ARHGAP28: variants seen among roughly 807,000 people sequenced by gnomAD.
The protein encoded by ARHGAP28 is rho GTPase-activating protein 28.
In ARHGAP28, 56 loss-of-function variants were observed where a neutral mutation model predicts 90.7. The observed-to-expected ratio is 0.62, with a 90% CI of 0.50 to 0.77. ARHGAP28 has a LOEUF of 0.77. Among genes scored for constraint, ARHGAP28 ranks in the 30% least tolerant of loss-of-function variants. The pLI, the probability that ARHGAP28 is intolerant of heterozygous loss-of-function variation, is 0.00. For synonymous variants in ARHGAP28, 308 were observed against 323.3 expected (o/e 0.95, Z 0.51); for missense variants, 869 against 900.9 (o/e 0.96, Z 0.45).
chr18:6,828,380 C>A (rs8088691), intron 2 of ARHGAP28, among the ~76,000 whole-genome samples: 94,013 of 151,850 alleles, frequency 0.62, 30,718 homozygotes, highest in South Asian at 0.74. Flanking sequence ...GAGGGAGAGA[C>A]AGAGGAGGAG....
chr18:6,760,833 G>T (rs754621148), intron 1 of ARHGAP28, among the ~76,000 whole-genome samples: 4 of 152,116 alleles, frequency 2.6e-5, no homozygotes, highest in Non-Finnish European at 4.4e-5. Flanking sequence ...TTCAAGAGGA[G>T]GAAACACAAA....
At chr18:6,910,145 T>C (rs1310563982) in intron 17 of ARHGAP28, among the ~76,000 whole-genome samples, 2 of 152,098 alleles carry the variant, frequency 1.3e-5, no homozygotes, top group South Asian at 4.1e-4. Flanking sequence ...ACTCGTCTGT[T>C]TTTAGAACTG....
chr18:6,873,337 G>A, intron 7 of ARHGAP28, 72 bp from the exon 8 acceptor site: 1 of 1,299,674 alleles, frequency 7.7e-7, no homozygotes, highest in Non-Finnish European at 1.1e-6. Flanking sequence ...AGAGTGTCCA[G>A]GTGGCATTTG....
At chr18:6,843,990 T>G (rs575117917) in intron 3 of ARHGAP28, among the ~76,000 whole-genome samples, 1 of 152,318 alleles carries the variant, frequency 6.6e-6, no homozygotes, top group African/African-American at 2.4e-5. Context: ...CTGTTCAGCG[T>G]GAGCAGAATT....
At chr18:6,859,993 A>G (rs987969155) in intron 5 of ARHGAP28, 96 bp downstream of exon 5, 2 of 1,052,834 alleles carry the variant, frequency 1.9e-6, no homozygotes, top group Non-Finnish European at 2.8e-6. Flanking sequence ...TCTTTAAAAC[A>G]TTAAAAAATA....
chr18:6,880,571 C>G (rs2057169759), intron 10 of ARHGAP28, among the ~76,000 whole-genome samples: 3 of 152,222 alleles, frequency 2.0e-5, no homozygotes, highest in South Asian at 4.1e-4. Flanking sequence ...CCCCTTAGCA[C>G]TGGCGCTCGC....
At chr18:6,821,669 A>G (rs1455613722) in intron 1 of ARHGAP28, among the ~76,000 whole-genome samples, 1 of 152,192 alleles carries the variant, frequency 6.6e-6, no homozygotes, top group Non-Finnish European at 1.5e-5. Context: ...TCTTTGCCAA[A>G]AAAAAGCTGA....
In ARHGAP28 at chr18:6,894,848, A is replaced by G. The variant is rs2057293376; in HGVS notation, c.1862A>G (p.Lys621Arg). The G allele has an allele frequency of 6.2e-7, 1 of 1,614,006 alleles. No individual in the cohort carries two copies. The highest frequency in any genetic ancestry group is 8.5e-7 in the Non-Finnish European group (1 of 1,180,006). ...TGTTTCTTTTAGACTGCAAGCCCCAAGACTTCAAAGGTACTGCAAAAATCA... is the reference window on the plus strand; with the variant it reads ...TGTTTCTTTTAGACTGCAAGCCCCAGGACTTCAAAGGTACTGCAAAAATCA... ...KTLERETASP[K>R]TSKVLQKSPS... Residue 621 changes from lysine (K) to arginine (R), a missense_variant, in exon 15 of 18, where the codon AAG (lysine) becomes AGG (arginine). Coordinates refer to ENST00000383472, the MANE Select transcript of ARHGAP28 (RefSeq NM_001366230.1).
intron 1 of ARHGAP28, chr18:6,778,886 T>A (rs775974575): frequency 6.6e-6 from 1 of 152,220 alleles, no homozygotes; most frequent in Non-Finnish European, 1.5e-5. Context: ...TCACAGCAGT[T>A]CATTCTATTG....
intron 1 of ARHGAP28, among the ~76,000 whole-genome samples, chr18:6,734,301 T>C (rs1246030177): frequency 1.3e-5 from 2 of 152,164 alleles, no homozygotes; most frequent in Non-Finnish European, 2.9e-5. Flanking sequence ...AAGGGTTTCC[T>C]GAGTATATAC....
intron 1 of ARHGAP28, among the ~76,000 whole-genome samples, chr18:6,766,987 A>C (rs894135611): frequency 6.6e-6 from 1 of 152,128 alleles, no homozygotes; most frequent in Non-Finnish European, 1.5e-5. Context: ...GGTTTGGTCT[A>C]CTATCTTGCT....
rs116740071 is a variant in ARHGAP28, at chr18:6,845,880, A to G, written c.544-5154A>G. Among the ~76,000 whole-genome samples, 404 of 152,370 alleles carry G rather than the reference A, an allele frequency of 2.7e-3. 5 individuals are homozygous for G. The highest frequency in any genetic ancestry group is 9.1e-3 in the African/African-American group (378 of 41,584). On this transcript the variant is annotated intron_variant, in intron 3 of 17. Transcript: ENST00000383472. The stretch of plus-strand genomic sequence containing the variant: ...ATAAGTGGGAAAAAGTACACTATCT[A>G]GCACAGGAAGTGAACACATTACATC...
chr18:6,782,890 T>A (rs541157924), intron 1 of ARHGAP28, among the ~76,000 whole-genome samples: 14 of 152,252 alleles, frequency 9.2e-5, no homozygotes, highest in African/African-American at 3.4e-4. Context: ...TCTTTCTTAT[T>A]TTCTTTGGGT....
Position 6,885,406 on chromosome 18 carries a change from A to G in ARHGAP28, c.1454-1751A>G, listed in dbSNP as rs143120701. ...TGTGTGTGTTTAAGCTGTCCCTCTC[A>G]ATACCCTCAAATGGAGCTCAGAGAA... On this transcript the variant is annotated intron_variant, in intron 11 of 17. Coordinates refer to ENST00000383472, the MANE Select transcript of ARHGAP28 (RefSeq NM_001366230.1). 1.3e-3 allele frequency among the ~76,000 whole-genome samples: 199 copies of G among 152,200 alleles called. 1 individual carries two copies. The highest frequency in any genetic ancestry group is 2.4e-3 in the Non-Finnish European group (160 of 68,018).
In ARHGAP28 at chr18:6,859,909, A is replaced by C; in HGVS notation, c.726+12A>C. On this transcript the variant is annotated intron_variant, in intron 5 of 17. Coordinates refer to ENST00000383472, the MANE Select transcript of ARHGAP28 (RefSeq NM_001366230.1). ...GGAGTGACTCTGTGGTAAGTCATCC[A>C]TGTCAGCACAGTTACATGTCAAGGT... 1 of 1,610,190 alleles carries C rather than the reference A, an allele frequency of 6.2e-7. No homozygotes were observed. The highest frequency in any genetic ancestry group is 2.2e-5 in the East Asian group (1 of 44,874).
At chr18:6,799,680 T>G (rs1044336784) in intron 1 of ARHGAP28, among the ~76,000 whole-genome samples, 6 of 152,208 alleles carry the variant, frequency 3.9e-5, no homozygotes, top group Admixed American at 3.9e-4. Flanking sequence ...GCCAGCCATA[T>G]GCAGAAAACT....
chr18:6,881,934 T>C (rs1490268281), intron 10 of ARHGAP28, among the ~76,000 whole-genome samples: 2 of 152,234 alleles, frequency 1.3e-5, no homozygotes, highest in African/African-American at 4.8e-5. Context: ...CATTATTTTT[T>C]AAATATTTTA....
intron 2 of ARHGAP28, among the ~76,000 whole-genome samples, chr18:6,826,057 A>C (rs186409953): frequency 6.6e-6 from 1 of 150,870 alleles, no homozygotes; most frequent in East Asian, 2.0e-4. Context: ...GGCTGAACTA[A>C]TTTACACTCC....
At position 6,868,191 on chromosome 18, in the gene ARHGAP28, T is replaced by C; in HGVS notation, c.768T>C (p.Asn256=). 1 of 1,614,222 alleles carries C rather than the reference T, an allele frequency of 6.2e-7. No homozygotes were observed. Among genetic ancestry groups the C allele is most frequent in the Admixed American group, 1.7e-5 (1 of 60,028 alleles). ...TTCCAGTTCTACCAGTTCATTCCAA[T>C]GGATCACCGGAGCCTGGACAGCCAG... ...ETIPVLPVHS[N]GSPEPGQPVQ... The change falls in exon 6 of 18, where the codon AAT becomes AAC. Residue 256 remains asparagine (N), a synonymous_variant. Transcript: ENST00000383472.
Sources: gnomAD v4.1 joint callset for allele counts (sites outside exome capture counted in the v4.1 genomes callset) on GRCh38, gnomAD v4.1.1 for gene constraint, MANE v1.5 for transcripts, NCBI Gene and HGNC (gene_info 2026-07-23, HGNC 2026-07-21) for gene names.